IFT74: variants seen among roughly 807,000 people sequenced by gnomAD.
IFT74 encodes intraflagellar transport 74.
Under a neutral mutation model 96.7 loss-of-function variants are expected in IFT74, and 92 were observed. That is an observed-to-expected ratio of 0.95 (90% CI 0.80 to 1.13). The LOEUF (loss-of-function observed/expected upper bound fraction) is 1.13. Among genes scored for constraint, IFT74 ranks in the 50% most tolerant of loss-of-function variants. The probability of loss-of-function intolerance (pLI) is 0.00; values close to 1 mark genes in which losing one functional copy is unlikely to be tolerated. For missense variants in IFT74, 811 were observed against 698.2 expected (o/e 1.16, Z -1.82); for synonymous variants, 223 against 213.2 (o/e 1.05, Z -0.40).
intron 7 of IFT74, 114 bp downstream of exon 7, chr9:26,988,842 C>T: frequency 1.0e-6 from 1 of 955,488 alleles, no homozygotes; most frequent in Non-Finnish European, 1.4e-6. Flanking sequence ...GTGAATATTA[C>T]TCTGATTGTA....
At chr9:27,016,744 A>G (rs565577034) in intron 10 of IFT74, among the ~76,000 whole-genome samples, 163 bp from the exon 11 acceptor site, 24 of 152,360 alleles carry the variant, frequency 1.6e-4, no homozygotes, top group Non-Finnish European at 3.2e-4. Context: ...CTTCCAATTT[A>G]GGAATGTGCT....
rs184036278 is a variant in IFT74 at position 27,041,835 on chromosome 9, C to T, written c.1055-2907C>T. On this transcript the variant is annotated intron_variant, in intron 13 of 19. Transcript: ENST00000380062. ...CCAAATAGAGAAGTTCACTAATGCTCTGACCACTCTCCTTCTTAGCAATAG... is the reference window on the plus strand; with the variant it reads ...CCAAATAGAGAAGTTCACTAATGCTTTGACCACTCTCCTTCTTAGCAATAG... Among the ~76,000 whole-genome samples, 819 of 152,292 alleles carry T rather than the reference C, an allele frequency of 5.4e-3. 8 individuals are homozygous for T. The highest frequency in any genetic ancestry group is 0.017 in the African/African-American group (714 of 41,560).
intron 16 of IFT74, 105 bp from the exon 17 acceptor site, chr9:27,055,504 T>A: frequency 1.3e-6 from 1 of 757,950 alleles, no homozygotes; most frequent in Non-Finnish European, 2.1e-6. Context: ...ATATTTCTTT[T>A]ACAGATATTC....
At chr9:26,993,909 G>A (rs1456926541) in intron 8 of IFT74, 1 of 152,128 alleles carries the variant, frequency 6.6e-6, no homozygotes, top group Non-Finnish European at 1.5e-5. Context: ...TGTAAAAGAT[G>A]TAAATTCTTA....
At chr9:27,041,976 C>T (rs1399990056) in intron 13 of IFT74, among the ~76,000 whole-genome samples, 1 of 152,150 alleles carries the variant, frequency 6.6e-6, no homozygotes, top group African/African-American at 2.4e-5. Context: ...GTTACATCTT[C>T]CAGCTCAATC....
At position 27,055,712 on chromosome 9, in the gene IFT74, T is replaced by G. The variant is rs1158817623; in HGVS notation, c.1437T>G (p.Thr479=). Residue 479 remains threonine (T), a synonymous_variant, in exon 17 of 20, where the codon ACT becomes ACG. Coordinates refer to ENST00000380062, the MANE Select transcript of IFT74 (RefSeq NM_025103.4). ...SLKSKIKQMT[T]DLEIYNDLPA... Reference sequence around the variant, plus strand: ...AAAGCAAAATTAAGCAAATGACAACTGATCTGGAGATATATAATGATTTGC... The same window carrying G: ...AAAGCAAAATTAAGCAAATGACAACGGATCTGGAGATATATAATGATTTGC... The G allele has an allele frequency of 6.3e-7, 1 of 1,589,320 alleles. No individual in the cohort carries two copies. The highest frequency in any genetic ancestry group is 8.5e-7 in the Non-Finnish European group (1 of 1,170,866).
intron 16 of IFT74, among the ~76,000 whole-genome samples, 169 bp downstream of exon 16, chr9:27,048,443 T>C (rs2131687096): frequency 6.6e-6 from 1 of 152,354 alleles, no homozygotes; most frequent in East Asian, 1.9e-4. Context: ...TTGTATATTG[T>C]CACTGATTTA....
intron 2 of IFT74, among the ~76,000 whole-genome samples, chr9:26,962,936 TTTTC>T (rs1276875576): frequency 1.3e-5 from 2 of 151,770 alleles, no homozygotes; most frequent in South Asian, 2.1e-4. Context: ...ATTTTTTTTT[TTTTC>T]TTTTTTTCTT....
intron 9 of IFT74, among the ~76,000 whole-genome samples, chr9:27,010,083 G>C (rs993939098): frequency 6.6e-6 from 1 of 151,696 alleles, no homozygotes; most frequent in African/African-American, 2.4e-5. Context: ...CGCCTCCCGG[G>C]TTCATGCCAT....
chr9:26,983,231 T>C lies in IFT74; in HGVS notation c.306-1026T>C, dbSNP rs1827465567. 2.0e-5 allele frequency among the ~76,000 whole-genome samples: 3 copies of C among 152,144 alleles called. No homozygotes were observed. In the South Asian group the frequency reaches 6.2e-4, roughly 32 times the overall value. ...GTAAGAAAGATAGTAAGGCCATCAG[T>C]TGTTTAGTATCTCTGACATTCAGCC... On this transcript the variant is annotated intron_variant, in intron 4 of 19. Transcript: ENST00000380062.
At chr9:27,005,909 G>A (rs957396661) in intron 8 of IFT74, among the ~76,000 whole-genome samples, 6 of 151,776 alleles carry the variant, frequency 4.0e-5, no homozygotes, top group African/African-American at 1.2e-4. Context: ...GCATGATCTC[G>A]GCTCAATGCA....
intron 18 of IFT74, among the ~76,000 whole-genome samples, chr9:27,057,231 T>G (rs185867573): frequency 1.3e-5 from 2 of 152,186 alleles, no homozygotes; most frequent in African/African-American, 4.8e-5. Flanking sequence ...ATATCTCCAA[T>G]TATTTACATA....
chr9:27,045,709 A>C (rs922576354), intron 14 of IFT74, among the ~76,000 whole-genome samples: 1 of 152,162 alleles, frequency 6.6e-6, no homozygotes, highest in African/African-American at 2.4e-5. Flanking sequence ...TCTGAATTCT[A>C]GCGAAGTGCT....
Position 26,999,171 on chromosome 9 carries a change from T to C in IFT74, c.587+8976T>C, listed in dbSNP as rs555673385. ...CAATCTGAAATTCTTTATGTGGATA[T>C]AGATGGAAAGAAAGAAATAGTTCTT... is the stretch of plus-strand genomic sequence containing the variant. On this transcript the variant is annotated intron_variant, in intron 8 of 19. Coordinates refer to ENST00000380062, the MANE Select transcript of IFT74 (RefSeq NM_025103.4). 3.3e-5 allele frequency among the ~76,000 whole-genome samples: 5 copies of C among 152,300 alleles called. No individual in the cohort carries two copies. In the South Asian group the frequency reaches 8.3e-4, roughly 25 times the overall value.
chr9:27,023,825 C>T (rs898599164), intron 12 of IFT74, among the ~76,000 whole-genome samples: 2 of 152,190 alleles, frequency 1.3e-5, no homozygotes, highest in African/African-American at 4.8e-5. Context: ...CAGCCCCATA[C>T]AAGAGGAGTC....
chr9:27,050,131 C>T (rs565739839), intron 16 of IFT74, among the ~76,000 whole-genome samples: 1 of 152,230 alleles, frequency 6.6e-6, no homozygotes, highest in African/African-American at 2.4e-5. Context: ...GATCACAGCT[C>T]ACTGCAGCAT....
At chr9:27,061,636 G>C (rs1182490561) in intron 19 of IFT74, among the ~76,000 whole-genome samples, 1 of 148,654 alleles carries the variant, frequency 6.7e-6, no homozygotes, top group East Asian at 2.1e-4. Flanking sequence ...TCATAGTGTT[G>C]GGAGAATTAT....
At chr9:27,054,229 A>G (rs1002332371) in intron 16 of IFT74, among the ~76,000 whole-genome samples, 6 of 152,160 alleles carry the variant, frequency 3.9e-5, no homozygotes, top group African/African-American at 1.2e-4. Flanking sequence ...TACTGGCTCA[A>G]AGGTACTAGA....
chr9:27,048,470 A>G (rs1210376586), intron 16 of IFT74, among the ~76,000 whole-genome samples, 196 bp downstream of exon 16: 1 of 152,160 alleles, frequency 6.6e-6, no homozygotes, highest in Non-Finnish European at 1.5e-5. Flanking sequence ...TTTATTGAAT[A>G]CTTATTTCAA....
Sources: gnomAD v4.1 joint callset for allele counts (sites outside exome capture counted in the v4.1 genomes callset) on GRCh38, gnomAD v4.1.1 for gene constraint, MANE v1.5 for transcripts, NCBI Gene and HGNC (gene_info 2026-07-23, HGNC 2026-07-21) for gene names.